SSBP3: variants seen among roughly 807,000 people sequenced by gnomAD.
SSBP3 encodes the protein single stranded DNA binding protein 3, also known as single-stranded DNA-binding protein 3.
SSBP3 carries 5 observed loss-of-function variants against 69.6 expected under a neutral mutation model. That is an observed-to-expected ratio of 0.07 (90% CI 0.04 to 0.15). SSBP3 has a LOEUF of 0.15. Among genes scored for constraint, SSBP3 ranks in the 10% least tolerant of loss-of-function variants. The pLI, the probability that SSBP3 is intolerant of heterozygous loss-of-function variation, is 1.00. For missense variants in SSBP3, 312 were observed against 534.0 expected (o/e 0.58, Z 4.10); for synonymous variants, 196 against 193.4 (o/e 1.01, Z -0.11).
chr1:54,242,093 G>A (rs147840031), intron 11 of SSBP3, 71 bp downstream of exon 11: 669 of 1,563,924 alleles, frequency 4.3e-4, no homozygotes, highest in Admixed American at 1.0e-3. Context: ...CCTACACCCA[G>A]GGACAGTAGC....
intron 4 of SSBP3, among the ~76,000 whole-genome samples, chr1:54,318,641 G>A (rs1011516406): frequency 2.0e-5 from 3 of 152,128 alleles, no homozygotes; most frequent in Non-Finnish European, 2.9e-5. Flanking sequence ...GGCACAGGCT[G>A]TAAGGAACAG....
intron 10 of SSBP3, 42 bp from the exon 11 acceptor site, chr1:54,242,254 T>C (rs760207144): frequency 1.2e-6 from 2 of 1,608,788 alleles, no homozygotes; most frequent in Middle Eastern, 1.7e-4. Context: ...AAAAAGGCGC[T>C]GTAAACTCCA....
intron 17 of SSBP3, 26 bp from the exon 18 acceptor site, chr1:54,227,186 G>GA: frequency 1.7e-6 from 2 of 1,143,788 alleles, no homozygotes; most frequent in Non-Finnish European, 2.6e-6. Flanking sequence ...AGAGAAGGGG[G>GA]GGGGGTGAGG....
At chr1:54,319,190 G>A (rs1003835634) in intron 4 of SSBP3, among the ~76,000 whole-genome samples, 28 of 152,158 alleles carry the variant, frequency 1.8e-4, no homozygotes, top group African/African-American at 5.5e-4. Context: ...ATCCTTATCC[G>A]CAGCCTACAG....
chr1:54,405,958 C>T (rs1248275748), exon 1 of SSBP3: 31 of 1,424,816 alleles, frequency 2.2e-5, no homozygotes, highest in African/African-American at 1.5e-5. Context: ...CTTACTTTTC[C>T]CGAGCCTGCC....
intron 5 of SSBP3, among the ~76,000 whole-genome samples, chr1:54,266,260 G>A (rs1171273422): frequency 6.6e-6 from 1 of 152,228 alleles, no homozygotes; most frequent in Non-Finnish European, 1.5e-5. Flanking sequence ...GGCAAAGGCT[G>A]GTCTTGGCTG....
chr1:54,338,476 C>T (rs1457135445), intron 4 of SSBP3, among the ~76,000 whole-genome samples: 1 of 152,138 alleles, frequency 6.6e-6, no homozygotes, highest in Non-Finnish European at 1.5e-5. Flanking sequence ...CCTCTCACTC[C>T]CGACCCCTAA....
At chr1:54,316,806 T>C (rs1176116968) in intron 4 of SSBP3, among the ~76,000 whole-genome samples, 1 of 152,136 alleles carries the variant, frequency 6.6e-6, no homozygotes, top group African/African-American at 2.4e-5. Context: ...AGAAATGTAT[T>C]GCTCACAGTT....
intron 4 of SSBP3, among the ~76,000 whole-genome samples, chr1:54,288,433 C>T (rs910263748): frequency 8.5e-5 from 13 of 152,302 alleles, no homozygotes; most frequent in African/African-American, 2.9e-4. Context: ...CCTGTCAGGG[C>T]CAGGCCATCA....
intron 5 of SSBP3, among the ~76,000 whole-genome samples, chr1:54,278,575 C>T (rs145297778): frequency 1.7e-3 from 264 of 152,306 alleles, no homozygotes; most frequent in Non-Finnish European, 3.1e-3. Context: ...TGTTGCTTAC[C>T]GAGGGGCTGG....
At chr1:54,354,176 C>T (rs1421302834) in intron 4 of SSBP3, among the ~76,000 whole-genome samples, 2 of 152,216 alleles carry the variant, frequency 1.3e-5, no homozygotes, top group East Asian at 3.8e-4. Flanking sequence ...GACTCTACAG[C>T]CTTACAAGGC....
chr1:54,396,097 C>T (rs1320019595), intron 4 of SSBP3, among the ~76,000 whole-genome samples: 1 of 147,436 alleles, frequency 6.8e-6, no homozygotes. Flanking sequence ...GAGGCTGAGG[C>T]AGGAGAATCA....
At chr1:54,300,915 C>T (rs1180056596) in intron 4 of SSBP3, among the ~76,000 whole-genome samples, 3 of 152,220 alleles carry the variant, frequency 2.0e-5, no homozygotes, top group Non-Finnish European at 2.9e-5. Context: ...TGAACCCCAT[C>T]AGGAAATCCA....
At chr1:54,292,003 C>G (rs981650972) in intron 4 of SSBP3, among the ~76,000 whole-genome samples, 3 of 152,190 alleles carry the variant, frequency 2.0e-5, no homozygotes, top group Admixed American at 6.5e-5. Flanking sequence ...GAGAGGCCCA[C>G]ACTGACCCCC....
At chr1:54,408,640 G>A (rs1649912778), upstream of SSBP3, among the ~76,000 whole-genome samples, 1 of 152,194 alleles carries the variant, frequency 6.6e-6, no homozygotes, top group African/African-American at 2.4e-5. Context: ...TTGAGCATCA[G>A]TTTCTTCACC....
At position 54,289,026 on chromosome 1, in the gene SSBP3, AAAAAAAAAAAC is replaced by A. The variant is rs1420251457; in HGVS notation, c.277-7510_277-7500del. On this transcript the variant is annotated intron_variant, in intron 4 of 17. Transcript: ENST00000610401. ...CAGAGCTAGACTCTGTCTCCAAAAA[AAAAAAAAAAAC>A]AAAAAAACAAAAAAAAAAAACAGTA... 4.2e-4 allele frequency among the ~76,000 whole-genome samples: 32 copies of A among 76,524 alleles called. 1 individual carries two copies. The highest frequency in any genetic ancestry group is 1.1e-3 in the Admixed American group (9 of 7,860). 50.2% of individuals were successfully genotyped at this position (76,524 alleles called of 152,430 possible). A position where few individuals can be genotyped will look rare whatever the true frequency, so the allele number is the denominator to read the frequency against.
chr1:54,407,529 GT>G (rs142956529), upstream of SSBP3, among the ~76,000 whole-genome samples: 982 of 152,152 alleles, frequency 6.5e-3, 11 homozygotes, highest in African/African-American at 0.023. Flanking sequence ...GACACACTGC[GT>G]GCCCCTCATT....
chr1:54,236,042 G>A (rs143931081), intron 14 of SSBP3, among the ~76,000 whole-genome samples: 5 of 152,206 alleles, frequency 3.3e-5, no homozygotes, highest in African/African-American at 1.2e-4. Flanking sequence ...TAGGCTCCTC[G>A]GGGCTCCTTA....
At chr1:54,346,417 T>A (rs1048273056) in intron 4 of SSBP3, among the ~76,000 whole-genome samples, 3 of 152,160 alleles carry the variant, frequency 2.0e-5, no homozygotes, top group African/African-American at 7.2e-5. Context: ...AATTTTGATT[T>A]GGGGCCTGGC....
Sources: gnomAD v4.1 joint callset for allele counts (sites outside exome capture counted in the v4.1 genomes callset) on GRCh38, gnomAD v4.1.1 for gene constraint, MANE v1.5 for transcripts, NCBI Gene and HGNC (gene_info 2026-07-23, HGNC 2026-07-21) for gene names.